The following NUP62 variants were observed in gnomAD, a reference collection of about 807,000 sequenced individuals.
The protein encoded by NUP62 is nucleoporin 62.
For missense variants in NUP62, 647 were observed against 689.4 expected, an observed-to-expected ratio of 0.94 and a Z score of 0.69; for synonymous variants, 305 against 303.4, an observed-to-expected ratio of 1.01 and a Z score of -0.05.
intron 2 of NUP62, among the ~76,000 whole-genome samples, chr19:49,912,014 G>C (rs113419451): frequency 6.6e-6 from 1 of 152,222 alleles, no homozygotes; most frequent in Non-Finnish European, 1.5e-5. Context: ...ACACATCTCA[G>C]TTCTCAAGAA....
chr19:49,926,810 C>T (rs1169184687), intron 2 of NUP62, among the ~76,000 whole-genome samples: 1 of 151,712 alleles, frequency 6.6e-6, no homozygotes, highest in Non-Finnish European at 1.5e-5. Flanking sequence ...CTGCTCGACA[C>T]GGATTAACTC....
Position 49,909,188 on chromosome 19 carries a change from G to A in NUP62, c.620C>T (p.Ala207Val), listed in dbSNP as rs912927032. ...ATTAGATQPAAPTPTATITST... is the reference protein window; with the variant it reads ...ATTAGATQPAVPTPTATITST... ...GGTGATGGTGGCTGTGGGTGTGGGA[G>A]CAGCTGGCTGTGTGGCACCTGCTGT... Residue 207 changes from alanine to valine, a missense_variant, in exon 3 of 3, where the codon GCT becomes GTT. By Grantham distance (64) the Ala-to-Val change is moderately conservative. Coordinates refer to ENST00000352066, the MANE Select transcript of NUP62 (RefSeq NM_016553.5). 6.2e-7 allele frequency: 1 copy of A among 1,613,862 alleles called. No individual in the cohort carries two copies. Among genetic ancestry groups the A allele is most frequent in the Non-Finnish European group, 8.5e-7 (1 of 1,179,884 alleles).
Position 49,908,816 on chromosome 19 carries a change from G to A in NUP62, c.992C>T (p.Ala331Val), listed in dbSNP as rs377108835. ...GAAASSAMTYAQLESLINKWS... is the reference protein window; with the variant it reads ...GAAASSAMTYVQLESLINKWS... ...TTTGTTGATCAGGCTCTCCAGCTGC[G>A]CGTAGGTCATGGCGGAGCTGGCAGC... is the stretch of plus-strand genomic sequence containing the variant. The change falls in exon 3 of 3, where the codon GCG (alanine) becomes GTG (valine). Residue 331 changes from alanine to valine, a missense_variant. Physicochemically the swap from Ala to Val is moderately conservative, Grantham distance 64. Coordinates refer to ENST00000352066, the MANE Select transcript of NUP62 (RefSeq NM_016553.5). 19 of 1,613,420 alleles carry A rather than the reference G, an allele frequency of 1.2e-5. No individual in the cohort carries two copies. The highest frequency in any genetic ancestry group is 2.2e-5 in the East Asian group (1 of 44,906).
intron 2 of NUP62, among the ~76,000 whole-genome samples, chr19:49,919,812 G>A (rs166894): frequency 0.017 from 1,769 of 105,926 alleles, 12 homozygotes; most frequent in Middle Eastern, 0.045. Flanking sequence ...AATATAAAAG[G>A]ACTGGAAGAG....
At chr19:49,923,503 G>A (rs1300226388) in intron 2 of NUP62, among the ~76,000 whole-genome samples, 1 of 152,202 alleles carries the variant, frequency 6.6e-6, no homozygotes, top group East Asian at 1.9e-4. Flanking sequence ...TGCACACGGC[G>A]GATCTGAAAG....
At chr19:49,928,933 C>A (rs35018314) in intron 1 of NUP62, 12,391 of 152,560 alleles carry the variant, frequency 0.081, 631 homozygotes, top group African/African-American at 0.14. Context: ...GAAACCAGAG[C>A]TTAGAGTCAG....
chr19:49,914,278 G>A (rs1222269217), intron 2 of NUP62, among the ~76,000 whole-genome samples: 1 of 152,194 alleles, frequency 6.6e-6, no homozygotes, highest in African/African-American at 2.4e-5. Context: ...TACCAAAGAA[G>A]CTGATGGTGC....
At chr19:49,922,073 GA>G (rs1255460135) in intron 2 of NUP62, among the ~76,000 whole-genome samples, 5 of 152,176 alleles carry the variant, frequency 3.3e-5, no homozygotes, top group Admixed American at 3.3e-4. Context: ...CCAAACCACA[GA>G]AACGACCAAA....
chr19:49,922,019 C>T (rs1051917557), intron 2 of NUP62, among the ~76,000 whole-genome samples: 1 of 152,224 alleles, frequency 6.6e-6, no homozygotes, highest in African/African-American at 2.4e-5. Flanking sequence ...ACCAAGACAA[C>T]AAGCCCACTC....
rs879274198 is a variant in NUP62 at position 49,908,904 on chromosome 19, T to G, written c.904A>C (p.Ile302Leu). The G allele has an allele frequency of 2.5e-6, 4 of 1,608,152 alleles. No individual in the cohort carries two copies. The highest frequency in any genetic ancestry group is 3.4e-6 in the Non-Finnish European group (4 of 1,178,128). The stretch of plus-strand genomic sequence containing the variant: ...ACGGCAGCTGCTGTATTGCTGGGGA[T>G]CCCGGCTGGCGCCAGTGGTTTTAAA... ...LNLKPLAPAG[I>L]PSNTAAAVTA... Residue 302 changes from isoleucine to leucine, a missense_variant, in exon 3 of 3, where the codon ATC (isoleucine) becomes CTC (leucine). Physicochemically the swap from Ile to Leu is conservative, Grantham distance 5. Coordinates refer to ENST00000352066, the MANE Select transcript of NUP62 (RefSeq NM_016553.5).
At chr19:49,918,895 T>TGGGG (rs56129490) in intron 2 of NUP62, among the ~76,000 whole-genome samples, 44 of 72,310 alleles carry the variant, frequency 6.1e-4, no homozygotes, top group South Asian at 3.5e-3. Context: ...TTTGGGAGGC[T>TGGGG]GGGGGGGGGG....
intron 2 of NUP62, among the ~76,000 whole-genome samples, chr19:49,922,453 G>A (rs2075788191): frequency 6.6e-6 from 1 of 151,974 alleles, no homozygotes; most frequent in Non-Finnish European, 1.5e-5. Context: ...CATGGGACCG[G>A]GCTGTGTCGG....
intron 2 of NUP62, among the ~76,000 whole-genome samples, chr19:49,915,180 C>T (rs2075593402): frequency 6.6e-6 from 1 of 152,026 alleles, no homozygotes; most frequent in Admixed American, 6.6e-5. Context: ...AGAAAAACGG[C>T]CCCCAAACAT....
At chr19:49,910,155 A>G (rs924420903) in intron 2 of NUP62, among the ~76,000 whole-genome samples, 3 of 152,140 alleles carry the variant, frequency 2.0e-5, no homozygotes, top group Admixed American at 6.5e-5. Context: ...GCGGGAGAAC[A>G]GGACCTTGGA....
At chr19:49,910,453 C>T (rs2075435729) in intron 2 of NUP62, among the ~76,000 whole-genome samples, 1 of 152,164 alleles carries the variant, frequency 6.6e-6, no homozygotes, top group African/African-American at 2.4e-5. Flanking sequence ...GGAACTCCTC[C>T]TCCTAACTCA....
Position 49,908,856 on chromosome 19 carries a change from C to T in NUP62, c.952G>A (p.Ala318Thr), listed in dbSNP as rs139269985. 5.6e-5 allele frequency: 91 copies of T among 1,612,016 alleles called. 1 individual carries two copies. The African/African-American group carries it at 7.2e-4, about 13-fold the overall frequency. ...AAVTAPPGPGAAAGAAASSAM... is the reference protein window; with the variant it reads ...AAVTAPPGPGTAAGAAASSAM... ...GAGCTGGCAGCCGCCCCTGCAGCTG[C>T]GCCAGGGCCAGGTGGAGCGGTCACG... Residue 318 changes from alanine (A) to threonine (T), a missense_variant, in exon 3 of 3, where the codon GCA becomes ACA. Ala to Thr is a moderately conservative substitution (Grantham distance 58, BLOSUM62 0). Transcript: ENST00000352066.
intron 2 of NUP62, among the ~76,000 whole-genome samples, chr19:49,914,200 T>C (rs1277772841): frequency 6.6e-6 from 1 of 152,206 alleles, no homozygotes; most frequent in Non-Finnish European, 1.5e-5. Context: ...GGGAAGTTTC[T>C]CACAAATGCA....
At position 49,908,967 on chromosome 19, in the gene NUP62, T is replaced by C. The variant is rs140091070; in HGVS notation, c.841A>G (p.Thr281Ala). The C allele has an allele frequency of 8.4e-5, 135 of 1,607,612 alleles. No individual in the cohort carries two copies. The African/African-American group carries it at 1.4e-3, about 17-fold the overall frequency. Reference sequence around the variant, plus strand: ...CCGGTGGTGCTGCTGCTGCTGGTGGTGGTGGCGGTGGCGGTGGCAGCGGTG... The same window carrying C: ...CCGGTGGTGCTGCTGCTGCTGGTGGCGGTGGCGGTGGCGGTGGCAGCGGTG... ...TSTAATATAT[T>A]TSSSSTTGFA... is the part of the protein sequence containing the mutation. The change falls in exon 3 of 3, where the codon ACC (threonine) becomes GCC (alanine). Residue 281 changes from threonine (T) to alanine (A), a missense_variant. Thr to Ala is a moderately conservative substitution (Grantham distance 58). Coordinates refer to ENST00000352066, the MANE Select transcript of NUP62 (RefSeq NM_016553.5).
chr19:49,920,302 G>A (rs2075734004), intron 2 of NUP62, among the ~76,000 whole-genome samples: 1 of 152,180 alleles, frequency 6.6e-6, no homozygotes, highest in South Asian at 2.1e-4. Flanking sequence ...AGGATGGTAT[G>A]AATCTCTCGA....
Sources: gnomAD v4.1 joint callset for allele counts (sites outside exome capture counted in the v4.1 genomes callset) on GRCh38, gnomAD v4.1.1 for gene constraint, MANE v1.5 for transcripts, NCBI Gene and HGNC (gene_info 2026-07-23, HGNC 2026-07-21) for gene names.